HIF3A: variants seen among roughly 807,000 people sequenced by gnomAD.
HIF3A encodes the protein hypoxia-inducible factor 3-alpha.
HIF3A carries 41 observed loss-of-function variants against 67.2 expected under a neutral mutation model. That is an observed-to-expected ratio of 0.61 (90% CI 0.48 to 0.79). The LOEUF (loss-of-function observed/expected upper bound fraction) is 0.79. Among genes scored for constraint, HIF3A ranks in the 30% least tolerant of loss-of-function variants. The pLI is 0.00. For synonymous variants in HIF3A, 356 were observed against 374.8 expected (o/e 0.95, Z 0.58); for missense variants, 855 against 898.0 (o/e 0.95, Z 0.61).
At chr19:46,324,093 G>A (rs1970585043) in intron 10 of HIF3A, among the ~76,000 whole-genome samples, 1 of 152,176 alleles carries the variant, frequency 6.6e-6, no homozygotes, top group Admixed American at 6.5e-5. Context: ...GAGTCAAAGT[G>A]TCTAATATCC....
chr19:46,307,227 C>G (rs569596708), intron 3 of HIF3A, among the ~76,000 whole-genome samples: 25 of 152,240 alleles, frequency 1.6e-4, no homozygotes, highest in African/African-American at 4.8e-4. Flanking sequence ...GTTATTTGTT[C>G]TTTCATTCAC....
Position 46,312,269 on chromosome 19 carries a change from T to G in HIF3A, c.877+2T>G, listed in dbSNP as rs1271055557. 6.2e-7 allele frequency: 1 copy of G among 1,613,776 alleles called. No homozygotes were observed. The highest frequency in any genetic ancestry group is 1.3e-5 in the African/African-American group (1 of 74,862). On this transcript the variant is annotated splice_donor_variant, in intron 7 of 14. Coordinates refer to ENST00000377670, the MANE Select transcript of HIF3A (RefSeq NM_152795.4). LOFTEE classifies it high-confidence loss of function. The stretch of plus-strand genomic sequence containing the variant: ...CGGTCAGCAAGAGCATCCACACCTG[T>G]ATGTATCCCATTTCCCCAGGTGCGA...
intron 6 of HIF3A, among the ~76,000 whole-genome samples, chr19:46,309,752 A>G (rs1171247704): frequency 1.3e-5 from 2 of 152,126 alleles, no homozygotes; most frequent in Non-Finnish European, 2.9e-5. Context: ...AATTTGTGTC[A>G]AGCAGTTAAT....
chr19:46,339,497 AT>A (rs1218985375), intron 14 of HIF3A, 27 bp from the exon 15 acceptor site: 1 of 1,423,578 alleles, frequency 7.0e-7, no homozygotes, highest in Non-Finnish European at 9.6e-7. Flanking sequence ...TTTACCTTTC[AT>A]TTATCATTTA....
At chr19:46,304,119 G>C in intron 2 of HIF3A, 31 bp downstream of exon 2, 1 of 1,535,680 alleles carries the variant, frequency 6.5e-7, no homozygotes, top group Non-Finnish European at 8.8e-7. Flanking sequence ...TTCCCGTCTT[G>C]GTCAGGCCCC....
chr19:46,298,478 CT>C, intron 1 of HIF3A: 1 of 1,286,902 alleles, frequency 7.8e-7, no homozygotes, highest in South Asian at 1.2e-5. Context: ...CCTGCACCCC[CT>C]GGATGGCCCT....
intron 6 of HIF3A, chr19:46,310,478 C>G (rs1969331351): frequency 1.4e-5 from 5 of 345,766 alleles, no homozygotes; most frequent in Non-Finnish European, 2.9e-5. Context: ...TTCTCTCCCC[C>G]TCTCTTCCTT....
At chr19:46,302,489 G>A (rs976206784) in intron 1 of HIF3A, among the ~76,000 whole-genome samples, 1 of 152,148 alleles carries the variant, frequency 6.6e-6, no homozygotes, top group Non-Finnish European at 1.5e-5. Context: ...GGAGTGCAGG[G>A]GCACAATCAT....
rs141923527 is a variant in HIF3A, at chr19:46,342,463, G to A, written c.*2841G>A. The A allele has an allele frequency of 6.6e-6, 1 of 151,112 alleles. No homozygotes were observed. 9.4% of individuals were successfully genotyped at this position (151,112 alleles called of 1,614,324 possible). A position where few individuals can be genotyped will look rare whatever the true frequency, so the allele number is the denominator to read the frequency against. On this transcript the variant is annotated 3_prime_UTR_variant, in exon 15 of 15. Transcript: ENST00000377670. ...TTGCCCAGGCTGGTCGCGAACTACT[G>A]AGCTCAAGCAATTCTCCCTCCTTGG...
At chr19:46,335,188 G>T (rs920286269) in intron 14 of HIF3A, among the ~76,000 whole-genome samples, 29 of 152,100 alleles carry the variant, frequency 1.9e-4, no homozygotes, top group Non-Finnish European at 3.8e-4. Context: ...GCTCTCCAAG[G>T]CTGCCTTTTG....
intron 6 of HIF3A, among the ~76,000 whole-genome samples, chr19:46,309,839 C>T (rs982656133): frequency 2.0e-5 from 3 of 152,104 alleles, no homozygotes; most frequent in Admixed American, 1.3e-4. Context: ...GCAGTACCAG[C>T]ACTTAGGGAG....
In HIF3A at chr19:46,339,607, A is replaced by C. The variant is rs1301862748; in HGVS notation, c.1995A>C (p.Ser665=). The C allele has an allele frequency of 1.9e-6, 3 of 1,604,556 alleles. No individual in the cohort carries two copies. In the South Asian group the frequency reaches 3.3e-5, roughly 18 times the overall value. Residue 665 remains serine (S), a synonymous_variant, in exon 15 of 15, where the codon TCA becomes TCC. Coordinates refer to ENST00000377670, the MANE Select transcript of HIF3A (RefSeq NM_152795.4). The part of the protein sequence containing the change: ...PGGPFQPRAG[S]AQAD Reference sequence around the variant, plus strand: ...GCCCCTTCCAGCCAAGGGCAGGCTCAGCCCAGGCTGACTGAGCCGGCTCCT... The same window carrying C: ...GCCCCTTCCAGCCAAGGGCAGGCTCCGCCCAGGCTGACTGAGCCGGCTCCT...
chr19:46,338,494 C>G (rs926357576), intron 14 of HIF3A: 1 of 1,143,832 alleles, frequency 8.7e-7, no homozygotes, highest in Non-Finnish European at 1.1e-6. Flanking sequence ...TGAACCACCA[C>G]GCCCGACAGT....
intron 1 of HIF3A, among the ~76,000 whole-genome samples, chr19:46,301,616 A>G (rs1462585857): frequency 1.3e-5 from 2 of 152,110 alleles, no homozygotes; most frequent in African/African-American, 4.8e-5. Flanking sequence ...ACTTGAGGTC[A>G]AGAGTTCGAG....
Position 46,320,534 on chromosome 19 carries a change from G to A in HIF3A, c.1117G>A (p.Asp373Asn). 1 of 1,614,092 alleles carries A rather than the reference G, an allele frequency of 6.2e-7. No homozygotes were observed. Among genetic ancestry groups the A allele is most frequent in the Non-Finnish European group, 8.5e-7 (1 of 1,179,982 alleles). Reference sequence around the variant, plus strand: ...TCAGCGGGGCGCCCCCTCTCAGAAGGACACCCCTAACCCTGGGGACAGCCT... The same window carrying A: ...TCAGCGGGGCGCCCCCTCTCAGAAGAACACCCCTAACCCTGGGGACAGCCT... ...PIQRGAPSQK[D>N]TPNPGDSLDT... is the part of the protein sequence containing the mutation. Residue 373 changes from aspartate to asparagine, a missense_variant, in exon 9 of 15, where the codon GAC (aspartate) becomes AAC (asparagine). Transcript: ENST00000377670.
At position 46,303,991 on chromosome 19, in the gene HIF3A, G is replaced by A. The variant is rs757228711; in HGVS notation, c.120G>A (p.Thr40=). 11 of 1,599,042 alleles carry A rather than the reference G, an allele frequency of 6.9e-6. No homozygotes were observed. Among genetic ancestry groups the A allele is most frequent in the South Asian group, 2.3e-5 (2 of 88,426 alleles). The change falls in exon 2 of 15, where the codon ACG becomes ACA. Residue 40 remains threonine, a synonymous_variant. Transcript: ENST00000377670. ...AGGTGCTGTACCAGCTGGCTCACAC[G>A]CTGCCCTTCGCCCGCGGCGTCAGCG... is the stretch of plus-strand genomic sequence containing the variant. ...ETEVLYQLAH[T]LPFARGVSAH... is the part of the protein sequence containing the mutation.
At chr19:46,318,593 A>G (rs1050145031) in intron 8 of HIF3A, among the ~76,000 whole-genome samples, 3 of 149,716 alleles carry the variant, frequency 2.0e-5, no homozygotes, top group Non-Finnish European at 4.4e-5. Context: ...AGGTGAAATT[A>G]ATTTTATTTT....
Position 46,329,493 on chromosome 19 carries a change from AG to A in HIF3A, c.1712+21del. Reference sequence around the variant, plus strand: ...GCTCGGAAGAGGTGAGCCACAGTAAAGGGGGGACATCAAGGCAGCATCCCCT... The same window carrying A: ...GCTCGGAAGAGGTGAGCCACAGTAAAGGGGGACATCAAGGCAGCATCCCCT... On this transcript the variant is annotated intron_variant, in intron 12 of 14. Coordinates refer to ENST00000377670, the MANE Select transcript of HIF3A (RefSeq NM_152795.4). 1.3e-6 allele frequency: 2 copies of A among 1,496,896 alleles called. No homozygotes were observed. The highest frequency in any genetic ancestry group is 1.8e-6 in the Non-Finnish European group (2 of 1,123,120). 92.7% of individuals were successfully genotyped at this position (1,496,896 alleles called of 1,614,324 possible). A position where few individuals can be genotyped will look rare whatever the true frequency, so the allele number is the denominator to read the frequency against.
chr19:46,308,828 C>A, intron 5 of HIF3A, 53 bp downstream of exon 5: 1 of 1,237,374 alleles, frequency 8.1e-7, no homozygotes, highest in South Asian at 1.4e-5. Flanking sequence ...GGGTGTGAGC[C>A]CTGAAAGATC....
Sources: gnomAD v4.1 joint callset for allele counts (sites outside exome capture counted in the v4.1 genomes callset) on GRCh38, gnomAD v4.1.1 for gene constraint, MANE v1.5 for transcripts, NCBI Gene and HGNC (gene_info 2026-07-23, HGNC 2026-07-21) for gene names.